Variants in KCNH1 observed in about 807,000 individuals in gnomAD.
KCNH1 encodes potassium voltage-gated channel subfamily H member 1.
KCNH1 carries 27 observed loss-of-function variants against 69.2 expected under a neutral mutation model. The observed-to-expected ratio is 0.39, with a 90% CI of 0.29 to 0.54. The LOEUF (loss-of-function observed/expected upper bound fraction) is 0.54, where lower values mean the gene tolerates loss of function less well. Ranked by LOEUF, KCNH1 falls within the 20% of genes least tolerant of loss-of-function variation. KCNH1 has a pLI of 0.68. For synonymous variants in KCNH1, 456 were observed against 487.7 expected (o/e 0.93, Z 0.86); for missense variants, 798 against 1,261.6 (o/e 0.63, Z 5.57).
At chr1:210,943,523 A>AT (rs796243599) in intron 6 of KCNH1, among the ~76,000 whole-genome samples, 149 of 147,072 alleles carry the variant, frequency 1.0e-3, no homozygotes, top group African/African-American at 2.5e-3. Context: ...TAATTTTTGT[A>AT]TTTTTTTTTT....
intron 3 of KCNH1, among the ~76,000 whole-genome samples, chr1:211,095,381 C>T (rs976362621): frequency 1.1e-4 from 16 of 152,146 alleles, no homozygotes; most frequent in African/African-American, 3.9e-4. Context: ...GGGAGGGAGG[C>T]TTTTTCCAGG....
intron 7 of KCNH1, among the ~76,000 whole-genome samples, chr1:210,838,800 AC>A (rs1437184561): frequency 3.3e-5 from 5 of 152,318 alleles, no homozygotes; most frequent in Admixed American, 2.0e-4. Context: ...TGGCCAAAAA[AC>A]ATATGAAAAA....
intron 7 of KCNH1, among the ~76,000 whole-genome samples, chr1:210,893,478 G>A (rs1046294713): frequency 2.6e-5 from 4 of 151,750 alleles, no homozygotes; most frequent in Non-Finnish European, 4.4e-5. Flanking sequence ...GATGTACCTT[G>A]CCATAGGTTT....
At chr1:210,918,006 C>G (rs1687382827) in intron 7 of KCNH1, among the ~76,000 whole-genome samples, 1 of 152,176 alleles carries the variant, frequency 6.6e-6, no homozygotes, top group Admixed American at 6.5e-5. Context: ...ACCCAAAGCT[C>G]CATAGGCACA....
intron 6 of KCNH1, among the ~76,000 whole-genome samples, chr1:210,968,005 T>C (rs886384923): frequency 6.6e-6 from 1 of 152,160 alleles, no homozygotes; most frequent in South Asian, 2.1e-4. Context: ...CTCCCGATGC[T>C]ATCCCCGCCC....
intron 7 of KCNH1, among the ~76,000 whole-genome samples, chr1:210,822,995 T>C (rs1285903514): frequency 6.6e-6 from 1 of 152,076 alleles, no homozygotes; most frequent in Non-Finnish European, 1.5e-5. Flanking sequence ...TGACACAGAG[T>C]AAACTCTCAA....
intron 6 of KCNH1, among the ~76,000 whole-genome samples, chr1:210,981,287 G>A (rs1483538120): frequency 8.3e-5 from 12 of 144,148 alleles, no homozygotes; most frequent in Non-Finnish European, 1.5e-5. Flanking sequence ...GGAAAACTCA[G>A]CATTAGAGAC....
chr1:210,817,748 G>A (rs1237208625), intron 7 of KCNH1, among the ~76,000 whole-genome samples: 2 of 152,096 alleles, frequency 1.3e-5, no homozygotes, highest in Admixed American at 1.3e-4. Context: ...TAAGTAACTT[G>A]GCCAAAGTCA....
chr1:211,105,438 T>C (rs1263147007), intron 2 of KCNH1, among the ~76,000 whole-genome samples: 1 of 152,214 alleles, frequency 6.6e-6, no homozygotes, highest in Non-Finnish European at 1.5e-5. Flanking sequence ...AGGCTGTAGA[T>C]TACCAGTAGT....
At chr1:210,752,782 A>C (rs1683308969) in intron 10 of KCNH1, among the ~76,000 whole-genome samples, 1 of 152,132 alleles carries the variant, frequency 6.6e-6, no homozygotes, top group South Asian at 2.1e-4. Flanking sequence ...CAGGGTCCTA[A>C]ACCCTGGTAC....
chr1:210,976,225 T>C (rs1159301719), intron 6 of KCNH1, among the ~76,000 whole-genome samples: 1 of 152,078 alleles, frequency 6.6e-6, no homozygotes, highest in Admixed American at 6.6e-5. Flanking sequence ...AGAAATACCA[T>C]TTGACCCAGC....
chr1:211,033,879 C>T (rs1251563217), intron 5 of KCNH1, among the ~76,000 whole-genome samples: 1 of 151,602 alleles, frequency 6.6e-6, no homozygotes, highest in Non-Finnish European at 1.5e-5. Flanking sequence ...CAAACCTGCA[C>T]GTTGTGCATG....
chr1:210,895,566 G>A (rs1031427440), intron 7 of KCNH1, among the ~76,000 whole-genome samples: 3 of 152,026 alleles, frequency 2.0e-5, no homozygotes, highest in Admixed American at 1.3e-4. Context: ...TTAGGTGGAG[G>A]AAGAGGATGA....
chr1:211,072,088 C>T (rs1690655202), intron 5 of KCNH1, among the ~76,000 whole-genome samples: 1 of 152,092 alleles, frequency 6.6e-6, no homozygotes, highest in Admixed American at 6.5e-5. Context: ...CCAGCCTGGC[C>T]AGCATGGTGA....
At chr1:210,917,007 G>A (rs963741209) in intron 7 of KCNH1, among the ~76,000 whole-genome samples, 1 of 151,810 alleles carries the variant, frequency 6.6e-6, no homozygotes, top group Non-Finnish European at 1.5e-5. Context: ...AATTAGCCAG[G>A]TGTCATGGTG....
At chr1:210,933,661 G>A (rs1687724239) in intron 6 of KCNH1, among the ~76,000 whole-genome samples, 1 of 151,782 alleles carries the variant, frequency 6.6e-6, no homozygotes, top group South Asian at 2.1e-4. Context: ...AGGAAAAAGA[G>A]ATAAGACCCA....
intron 6 of KCNH1, among the ~76,000 whole-genome samples, chr1:211,011,055 G>A (rs1267577995): frequency 6.6e-6 from 1 of 151,954 alleles, no homozygotes; most frequent in Non-Finnish European, 1.5e-5. Flanking sequence ...AGGTATACAC[G>A]TGCCATAGTG....
rs550424130 is a variant in KCNH1, at chr1:210,683,036, T to C, written c.*245A>G. ...AGGAAAATACCCTTTAGACAGCATGTCCCTTCTTCCAAAATTGTGCAAAGA... is the reference window on the plus strand; with the variant it reads ...AGGAAAATACCCTTTAGACAGCATGCCCCTTCTTCCAAAATTGTGCAAAGA... On this transcript the variant is annotated 3_prime_UTR_variant, in exon 11 of 11. Transcript: ENST00000271751. The surrounding 1 kb of genome is among the most constrained non-coding windows in gnomAD (Gnocchi z 5.7). 2 of 547,374 alleles carry C rather than the reference T, an allele frequency of 3.7e-6. No individual in the cohort carries two copies. Among genetic ancestry groups the C allele is most frequent in the African/African-American group, 3.7e-5 (2 of 53,470 alleles). The allele number at this position is 547,374 out of a possible 1,614,324, so 33.9% of individuals were successfully genotyped here. A position where few individuals can be genotyped will look rare whatever the true frequency, so the allele number is the denominator to read the frequency against.
At chr1:211,069,876 G>T (rs943183255) in intron 5 of KCNH1, among the ~76,000 whole-genome samples, 1 of 152,114 alleles carries the variant, frequency 6.6e-6, no homozygotes. Context: ...ATATTTTACG[G>T]TAGTAAGTGA....
Sources: allele counts gnomAD v4.1 joint callset (sites outside exome capture counted in the v4.1 genomes callset), GRCh38; gene constraint gnomAD v4.1.1; non-coding constraint Gnocchi (gnomAD v3.1); transcripts MANE v1.5; gene names NCBI Gene and HGNC (gene_info 2026-07-23, HGNC 2026-07-21).